Variants in PID1 observed in about 807,000 individuals in gnomAD.
PID1 encodes the protein PTB-containing, cubilin and LRP1-interacting protein.
A neutral mutation model predicts 19.1 loss-of-function variants in PID1; 10 were observed. That is an observed-to-expected ratio of 0.52 (90% CI 0.32 to 0.89). PID1 has a LOEUF of 0.89. Ranked by LOEUF, PID1 falls within the 40% of genes least tolerant of loss-of-function variation. The probability of loss-of-function intolerance (pLI) is 0.03; values close to 1 mark genes in which losing one functional copy is unlikely to be tolerated. For missense variants in PID1, 248 were observed against 285.3 expected (o/e 0.87, Z 0.94); for synonymous variants, 130 against 116.0 (o/e 1.12, Z -0.78).
At chr2:229,086,060 C>A (rs1325227262) in intron 2 of PID1, among the ~76,000 whole-genome samples, 1 of 151,940 alleles carries the variant, frequency 6.6e-6, no homozygotes, top group East Asian at 1.9e-4. Context: ...AAATTCAGGA[C>A]CTATTCCAAA....
chr2:229,090,428 C>T (rs1694848525), intron 2 of PID1, among the ~76,000 whole-genome samples: 1 of 152,134 alleles, frequency 6.6e-6, no homozygotes, highest in Admixed American at 6.6e-5. Context: ...AGCTCACTTC[C>T]TGCTGCTTTG....
intron 2 of PID1, among the ~76,000 whole-genome samples, chr2:229,135,536 T>C (rs1051514025): frequency 2.6e-5 from 4 of 152,174 alleles, no homozygotes; most frequent in Non-Finnish European, 4.4e-5. Context: ...TACACCCAGA[T>C]AGACTATTGT....
intron 1 of PID1, among the ~76,000 whole-genome samples, chr2:229,207,898 A>G (rs1351241607): frequency 6.6e-6 from 1 of 152,018 alleles, no homozygotes; most frequent in Non-Finnish European, 1.5e-5. Flanking sequence ...AAAGGCTAAC[A>G]CTGTGTTGCC....
chr2:229,030,600 A>G (rs538872566), intron 2 of PID1, among the ~76,000 whole-genome samples: 1 of 148,766 alleles, frequency 6.7e-6, no homozygotes, highest in African/African-American at 2.5e-5. Context: ...TCTCTCTCTG[A>G]TATTTTTCTA....
At chr2:229,068,343 T>C (rs941978768) in intron 2 of PID1, among the ~76,000 whole-genome samples, 5 of 152,148 alleles carry the variant, frequency 3.3e-5, no homozygotes, top group Admixed American at 6.5e-5. Flanking sequence ...GGTTTGTCTC[T>C]ACCTCCCACT....
chr2:229,201,495 A>C (rs1039647406), intron 1 of PID1, among the ~76,000 whole-genome samples: 5 of 151,946 alleles, frequency 3.3e-5, no homozygotes, highest in Non-Finnish European at 2.9e-5. Context: ...CACTGTATGG[A>C]TTTACCACAT....
intron 2 of PID1, among the ~76,000 whole-genome samples, chr2:229,032,128 T>TC (rs1693567650): frequency 6.6e-6 from 1 of 152,162 alleles, no homozygotes; most frequent in Non-Finnish European, 1.5e-5. Flanking sequence ...GCCATGGAGT[T>TC]CCCCCATCTC....
chr2:229,034,591 A>C (rs1181912644), intron 2 of PID1, among the ~76,000 whole-genome samples: 1 of 152,058 alleles, frequency 6.6e-6, no homozygotes, highest in East Asian at 1.9e-4. Context: ...CTCCCTGCCC[A>C]GTTTCAGCAT....
chr2:229,050,532 G>A (rs1480515705), intron 2 of PID1, among the ~76,000 whole-genome samples: 1 of 152,178 alleles, frequency 6.6e-6, no homozygotes, highest in Admixed American at 6.5e-5. Context: ...ATGTTTACAT[G>A]ATTAGTATAC....
intron 2 of PID1, among the ~76,000 whole-genome samples, chr2:229,145,148 T>C (rs1690100124): frequency 1.2e-5 from 1 of 85,200 alleles, no homozygotes; most frequent in Non-Finnish European, 2.2e-5. Context: ...TTTAAATATA[T>C]GTATGTGTAT....
At chr2:229,155,705 A>C in intron 2 of PID1, 113 bp downstream of exon 2, 1 of 982,834 alleles carries the variant, frequency 1.0e-6, no homozygotes, top group Non-Finnish European at 1.5e-6. Context: ...TTTGTTGGTC[A>C]TTTTATATTT....
At chr2:229,260,594 C>A (rs557114246) in intron 1 of PID1, among the ~76,000 whole-genome samples, 126 of 150,910 alleles carry the variant, frequency 8.3e-4, no homozygotes, top group African/African-American at 2.8e-3. Context: ...CTTGCAAAAG[C>A]CTGGGGAAAG....
intron 2 of PID1, among the ~76,000 whole-genome samples, chr2:229,042,496 C>T (rs1220494186): frequency 2.6e-5 from 4 of 152,164 alleles, no homozygotes; most frequent in Non-Finnish European, 5.9e-5. Context: ...CCCTCTCATG[C>T]TGGCTGGATC....
intron 1 of PID1, among the ~76,000 whole-genome samples, chr2:229,176,462 C>G (rs1420715897): frequency 6.6e-6 from 1 of 152,180 alleles, no homozygotes; most frequent in East Asian, 1.9e-4. Flanking sequence ...CCTCCAAGTT[C>G]AAAACCTTAC....
chr2:229,260,514 GTA>G (rs890350710), intron 1 of PID1, among the ~76,000 whole-genome samples: 8 of 150,542 alleles, frequency 5.3e-5, no homozygotes, highest in South Asian at 2.1e-4. Context: ...GTGTGTGTGT[GTA>G]TATATATACA....
chr2:229,091,734 AC>A (rs1477088904), intron 2 of PID1, among the ~76,000 whole-genome samples: 1 of 152,214 alleles, frequency 6.6e-6, no homozygotes, highest in African/African-American at 2.4e-5. Context: ...TGTAATAGTA[AC>A]CTGAATGAAC....
intron 1 of PID1, among the ~76,000 whole-genome samples, chr2:229,266,325 G>A (rs1026825536): frequency 2.6e-5 from 4 of 151,572 alleles, no homozygotes; most frequent in Non-Finnish European, 5.9e-5. Flanking sequence ...CCTAATCACC[G>A]GCTTTCAAGG....
intron 1 of PID1, among the ~76,000 whole-genome samples, chr2:229,264,576 T>C (rs1051670649): frequency 1.3e-5 from 2 of 152,196 alleles, no homozygotes. Flanking sequence ...AATTGCATTC[T>C]GTGCGTCGCA....
In PID1 at chr2:229,025,518, T is replaced by C. The variant is rs554943417; in HGVS notation, c.*114A>G. ...ATTGCTCTTCTGAATTTAAAAACCT[T>C]GGTCAGCCAATAGTTTGGCAGTCTT... On this transcript the variant is annotated 3_prime_UTR_variant, in exon 3 of 3. Coordinates refer to ENST00000392055, the MANE Select transcript of PID1 (RefSeq NM_001100818.2). 14 of 751,050 alleles carry C rather than the reference T, an allele frequency of 1.9e-5. No individual in the cohort carries two copies. The highest frequency in any genetic ancestry group is 6.6e-4 in the Middle Eastern group (2 of 3,036). 46.5% of individuals were successfully genotyped at this position (751,050 alleles called of 1,614,324 possible). A position where few individuals can be genotyped will look rare whatever the true frequency, so the allele number is the denominator to read the frequency against.
Sources: gnomAD v4.1 joint callset for allele counts (sites outside exome capture counted in the v4.1 genomes callset) on GRCh38, gnomAD v4.1.1 for gene constraint, MANE v1.5 for transcripts, NCBI Gene and HGNC (gene_info 2026-07-23, HGNC 2026-07-21) for gene names.